ZNF506: variants seen among roughly 807,000 people sequenced by gnomAD.
ZNF506 encodes zinc finger protein 506.
A neutral mutation model predicts 11.6 loss-of-function variants in ZNF506; 10 were observed. The ratio of observed to expected loss-of-function variants is 0.86; its 90% CI spans 0.53 to 1.46. The LOEUF (loss-of-function observed/expected upper bound fraction) is 1.46, where lower values mean the gene tolerates loss of function less well. Among genes scored for constraint, ZNF506 ranks in the 40% most tolerant of loss-of-function variants. The pLI, the probability that ZNF506 is intolerant of heterozygous loss-of-function variation, is 0.00. For synonymous variants in ZNF506, 156 were observed against 173.3 expected (o/e 0.90, Z 0.78); for missense variants, 425 against 521.2 (o/e 0.82, Z 1.80).
chr19:19,795,085 G>C lies in ZNF506; in HGVS notation c.802C>G (p.His268Asp), dbSNP rs1330199575. The change falls in exon 4 of 4, where the codon CAC (histidine) becomes GAC (aspartate). Residue 268 changes from histidine (H) to aspartate (D), a missense_variant. Physicochemically the swap from His to Asp is moderately conservative, Grantham distance 81 (BLOSUM62 -1). This residue lies in a region of ZNF506 where 192 missense variants were observed against 215.7 expected (regional missense o/e 0.89). Transcript: ENST00000540806. ...RCRECGKAFN[H>D]PATLFSHKKI... Reference sequence around the variant, plus strand: ...TTATGTGAAAAAAGGGTTGCAGGGTGGTTAAAAGCTTTGCCACATTCTCTA... The same window carrying C: ...TTATGTGAAAAAAGGGTTGCAGGGTCGTTAAAAGCTTTGCCACATTCTCTA... 2 of 1,612,606 alleles carry C rather than the reference G, an allele frequency of 1.2e-6. No homozygotes were observed. The highest frequency in any genetic ancestry group is 1.7e-5 in the Admixed American group (1 of 59,888).
chr19:19,815,677 A>G (rs2062924919), intron 1 of ZNF506, among the ~76,000 whole-genome samples: 1 of 152,218 alleles, frequency 6.6e-6, no homozygotes, highest in Non-Finnish European at 1.5e-5. Flanking sequence ...CAGCACCCAG[A>G]GTCATCGTAG....
chr19:19,814,481 A>T (rs1298247260), intron 1 of ZNF506, among the ~76,000 whole-genome samples: 1 of 151,614 alleles, frequency 6.6e-6, no homozygotes, highest in Admixed American at 6.6e-5. Context: ...TATAAGTAAG[A>T]GCTAAATAAT....
intron 3 of ZNF506, among the ~76,000 whole-genome samples, chr19:19,800,038 T>C (rs1193249758): frequency 1.3e-5 from 2 of 152,286 alleles, no homozygotes; most frequent in Admixed American, 6.5e-5. Flanking sequence ...TACTGCAGCA[T>C]TGCTACCGAA....
intron 1 of ZNF506, among the ~76,000 whole-genome samples, chr19:19,814,884 G>A (rs527497227): frequency 4.8e-4 from 73 of 152,308 alleles, no homozygotes; most frequent in Non-Finnish European, 8.2e-4. Flanking sequence ...TGCTGCTGCA[G>A]ATTCAGTGTC....
chr19:19,821,263 A>G (rs1207658880), intron 1 of ZNF506, among the ~76,000 whole-genome samples: 1 of 152,116 alleles, frequency 6.6e-6, no homozygotes, highest in Non-Finnish European at 1.5e-5. Context: ...CTTCCCATTC[A>G]TGAACCCGCA....
At chr19:19,800,391 AATATAT>A (rs3062863) in intron 3 of ZNF506, among the ~76,000 whole-genome samples, 58 of 139,180 alleles carry the variant, frequency 4.2e-4, no homozygotes, top group East Asian at 1.2e-3. Context: ...AACTAAACAG[AATATAT>A]ATATATATAT....
chr19:19,797,260 C>T (rs908410010), intron 3 of ZNF506: 5 of 152,054 alleles, frequency 3.3e-5, no homozygotes, highest in African/African-American at 1.2e-4. Context: ...GCCTGGCCAA[C>T]ATGGTGAAAC....
At chr19:19,803,261 A>C (rs2062809572) in intron 3 of ZNF506, among the ~76,000 whole-genome samples, 1 of 152,174 alleles carries the variant, frequency 6.6e-6, no homozygotes, top group Admixed American at 6.5e-5. Flanking sequence ...AGAGACCTGG[A>C]GGAAGGTGCC....
At position 19,795,254 on chromosome 19, in the gene ZNF506, C is replaced by T; in HGVS notation, c.633G>A (p.Lys211=). The change falls in exon 4 of 4, where the codon AAG becomes AAA. Residue 211 remains lysine, a synonymous_variant. Coordinates refer to ENST00000540806, the MANE Select transcript of ZNF506 (RefSeq NM_001099269.3). Reference sequence around the variant, plus strand: ...TATGTGTAGTAAGGTGTGAGGACTGCTTATAGGCTTTACCACATTCTTCAC... The same window carrying T: ...TATGTGTAGTAAGGTGTGAGGACTGTTTATAGGCTTTACCACATTCTTCAC... ...YKCEECGKAY[K]QSSHLTTHKK... is the part of the protein sequence containing the mutation. 6.2e-7 allele frequency: 1 copy of T among 1,613,852 alleles called. No homozygotes were observed. The highest frequency in any genetic ancestry group is 8.5e-7 in the Non-Finnish European group (1 of 1,179,892).
At chr19:19,804,041 C>T (rs1480036370) in intron 3 of ZNF506, among the ~76,000 whole-genome samples, 1 of 152,106 alleles carries the variant, frequency 6.6e-6, no homozygotes, top group Non-Finnish European at 1.5e-5. Flanking sequence ...GCAAGGACTT[C>T]ATGACTAAAA....
chr19:19,796,968 T>C (rs942574201), intron 3 of ZNF506: 6 of 152,066 alleles, frequency 3.9e-5, no homozygotes, highest in Non-Finnish European at 5.9e-5. Context: ...TCCAAGACGA[T>C]TGATTTTCAG....
chr19:19,816,759 T>C (rs1285019245), intron 1 of ZNF506, among the ~76,000 whole-genome samples: 1 of 150,308 alleles, frequency 6.7e-6, no homozygotes, highest in African/African-American at 2.5e-5. Context: ...ACAGGCTGAG[T>C]GCTGGGATTA....
chr19:19,805,975 TGACCTTGG>T (rs2062832631), intron 3 of ZNF506, 48 bp downstream of exon 3: 1 of 1,431,114 alleles, frequency 7.0e-7, no homozygotes, highest in Non-Finnish European at 9.6e-7. Context: ...GCTTTCTCTT[TGACCTTGG>T]GACCTCTATC....
Position 19,794,801 on chromosome 19 carries a change from A to G in ZNF506, c.1086T>C (p.Ala362=). The part of the protein sequence containing the change: ...WYSSLSKHKR[A]HTGEKPYKCE... ...ACTTGTAGGGTTTCTCTCCAGTATG[A>G]GCTCTCTTATGTTTAGAGAGGCTTG... is the stretch of plus-strand genomic sequence containing the variant. Residue 362 remains alanine (A), a synonymous_variant, in exon 4 of 4, where the codon GCT becomes GCC. Coordinates refer to ENST00000540806, the MANE Select transcript of ZNF506 (RefSeq NM_001099269.3). 6.2e-6 allele frequency: 10 copies of G among 1,613,974 alleles called. No homozygotes were observed. The highest frequency in any genetic ancestry group is 8.5e-6 in the Non-Finnish European group (10 of 1,179,986).
chr19:19,805,703 T>C (rs1385203686), intron 3 of ZNF506, among the ~76,000 whole-genome samples: 2 of 152,110 alleles, frequency 1.3e-5, no homozygotes, highest in Non-Finnish European at 2.9e-5. Context: ...ATGCAGATAC[T>C]TGTGTGTCCC....
intron 3 of ZNF506, chr19:19,798,321 A>C (rs2062759618): frequency 1.3e-5 from 2 of 152,296 alleles, no homozygotes; most frequent in Admixed American, 1.3e-4. Context: ...TGGATCTTTT[A>C]GAGGTTTTAG....
intron 2 of ZNF506, 88 bp downstream of exon 2, chr19:19,806,854 A>G (rs2062839203): frequency 2.7e-6 from 4 of 1,479,746 alleles, no homozygotes; most frequent in Non-Finnish European, 3.6e-6. Flanking sequence ...TTGTATGCAA[A>G]GAATAAATTA....
chr19:19,811,147 T>G (rs973216288), intron 1 of ZNF506, among the ~76,000 whole-genome samples: 2 of 152,174 alleles, frequency 1.3e-5, no homozygotes, highest in Non-Finnish European at 2.9e-5. Flanking sequence ...ACAAATCCCT[T>G]AAGGTCTTCT....
chr19:19,815,412 G>A (rs1440550403), intron 1 of ZNF506, among the ~76,000 whole-genome samples: 1 of 152,184 alleles, frequency 6.6e-6, no homozygotes, highest in South Asian at 2.1e-4. Flanking sequence ...GTGGGAAAAG[G>A]GGGTCTGTCA....
Sources: allele counts gnomAD v4.1 joint callset (sites outside exome capture counted in the v4.1 genomes callset), GRCh38; gene constraint gnomAD v4.1.1; regional missense constraint gnomAD v4.1.1; transcripts MANE v1.5; gene names NCBI Gene and HGNC (gene_info 2026-07-23, HGNC 2026-07-21).